Variants in SNTG1 observed in about 807,000 individuals in gnomAD.
SNTG1 encodes syntrophin gamma 1.
SNTG1 carries 39 observed loss-of-function variants against 74.7 expected under a neutral mutation model. The ratio of observed to expected loss-of-function variants is 0.52; its 90% CI spans 0.40 to 0.68. The LOEUF is 0.68. Ranked by LOEUF, SNTG1 falls within the 30% of genes least tolerant of loss-of-function variation. The pLI, the probability that SNTG1 is intolerant of heterozygous loss-of-function variation, is 0.00. For missense variants in SNTG1, 685 were observed against 609.5 expected, an observed-to-expected ratio of 1.12 and a Z score of -1.30; for synonymous variants, 254 against 217.1, an observed-to-expected ratio of 1.17 and a Z score of -1.49.
At chr8:50,688,080 T>C (rs2095360682) in intron 15 of SNTG1, among the ~76,000 whole-genome samples, 1 of 152,228 alleles carries the variant, frequency 6.6e-6, no homozygotes, top group Non-Finnish European at 1.5e-5. Context: ...GTCCATATCC[T>C]TCACCCACTT....
intron 17 of SNTG1, among the ~76,000 whole-genome samples, chr8:50,724,570 G>T (rs1585643348): frequency 6.6e-6 from 1 of 152,050 alleles, no homozygotes; most frequent in Admixed American, 6.6e-5. Context: ...GAAACTGAGA[G>T]ATATTTCATT....
intron 15 of SNTG1, among the ~76,000 whole-genome samples, chr8:50,664,470 T>G (rs10099354): frequency 0.8 from 122,381 of 152,184 alleles, 51,417 homozygotes; most frequent in Non-Finnish European, 0.92. Flanking sequence ...ATTAATTCAC[T>G]AAGACACTTA....
chr8:50,550,674 A>G (rs779513846), intron 11 of SNTG1, among the ~76,000 whole-genome samples: 2 of 148,250 alleles, frequency 1.3e-5, no homozygotes, highest in Non-Finnish European at 3.0e-5. Flanking sequence ...TCAGTGATGT[A>G]ATTTTTTTTA....
chr8:50,708,270 T>C (rs1479693532), intron 16 of SNTG1: 1 of 153,892 alleles, frequency 6.5e-6, no homozygotes, highest in Non-Finnish European at 1.4e-5. Flanking sequence ...AATTACTTGT[T>C]GATTTTTAAA....
At chr8:50,500,566 T>A (rs2093942772) in intron 8 of SNTG1, among the ~76,000 whole-genome samples, 1 of 152,272 alleles carries the variant, frequency 6.6e-6, no homozygotes, top group South Asian at 2.1e-4. Flanking sequence ...CCTTTAAAAT[T>A]GTGATTTTTC....
intron 2 of SNTG1, among the ~76,000 whole-genome samples, chr8:50,356,150 A>G (rs539528127): frequency 6.6e-6 from 1 of 151,628 alleles, no homozygotes; most frequent in Non-Finnish European, 1.5e-5. Context: ...TTTTCAATAC[A>G]TTTATGTCAG....
At chr8:50,059,675 G>T (rs1820314466) in intron 1 of SNTG1, among the ~76,000 whole-genome samples, 1 of 151,996 alleles carries the variant, frequency 6.6e-6, no homozygotes, top group African/African-American at 2.4e-5. Context: ...GTATCACCTA[G>T]ATTTTCAAAT....
At chr8:50,360,185 G>A (rs548695004) in intron 2 of SNTG1, among the ~76,000 whole-genome samples, 1 of 151,788 alleles carries the variant, frequency 6.6e-6, no homozygotes, top group Non-Finnish European at 1.5e-5. Context: ...ACTAAATAGT[G>A]CTTCCTAGGA....
chr8:50,500,716 C>G (rs967136697), intron 8 of SNTG1, among the ~76,000 whole-genome samples: 4 of 151,988 alleles, frequency 2.6e-5, no homozygotes, highest in Non-Finnish European at 5.9e-5. Context: ...GTCCATGGTT[C>G]CATTTACAAT....
chr8:50,261,375 T>C (rs935708165), intron 2 of SNTG1, among the ~76,000 whole-genome samples: 6 of 152,180 alleles, frequency 3.9e-5, no homozygotes, highest in Non-Finnish European at 2.9e-5. Flanking sequence ...ATATTGTTGT[T>C]AGTAGCCCTA....
chr8:49,952,512 A>G (rs1453661173), intron 1 of SNTG1, among the ~76,000 whole-genome samples: 3 of 152,214 alleles, frequency 2.0e-5, no homozygotes, highest in Non-Finnish European at 4.4e-5. Flanking sequence ...GCTGGAGCTC[A>G]GGAATGAAGA....
At chr8:50,234,906 G>A (rs1327475077) in intron 2 of SNTG1, among the ~76,000 whole-genome samples, 3 of 152,062 alleles carry the variant, frequency 2.0e-5, no homozygotes, top group Non-Finnish European at 4.4e-5. Flanking sequence ...GCTGTTGTTA[G>A]TAGATGTGGA....
intron 4 of SNTG1, among the ~76,000 whole-genome samples, chr8:50,435,931 G>A (rs1348238030): frequency 6.6e-6 from 1 of 152,154 alleles, no homozygotes; most frequent in Admixed American, 6.6e-5. Context: ...TAGAGCATGA[G>A]TAAAGAAGTT....
At chr8:50,402,780 GC>G (rs1385587789) in intron 4 of SNTG1, among the ~76,000 whole-genome samples, 2 of 152,138 alleles carry the variant, frequency 1.3e-5, no homozygotes, top group Non-Finnish European at 2.9e-5. Flanking sequence ...ACTGAACTCA[GC>G]GTGAGTGGTG....
intron 1 of SNTG1, among the ~76,000 whole-genome samples, chr8:50,033,460 C>T (rs924383683): frequency 6.6e-6 from 1 of 152,072 alleles, no homozygotes; most frequent in Admixed American, 6.6e-5. Flanking sequence ...TGATATATAC[C>T]TAATGTCTTT....
chr8:50,079,642 C>A (rs1175172273), intron 1 of SNTG1, among the ~76,000 whole-genome samples: 2 of 152,058 alleles, frequency 1.3e-5, no homozygotes, highest in Non-Finnish European at 2.9e-5. Context: ...TTTGCTCATG[C>A]CTATGTCCTA....
intron 1 of SNTG1, among the ~76,000 whole-genome samples, chr8:49,941,758 G>A (rs1808712884): frequency 1.3e-5 from 2 of 151,984 alleles, no homozygotes; most frequent in Non-Finnish European, 2.9e-5. Context: ...TTGAAGGGTA[G>A]GAAGCTTTCT....
intron 1 of SNTG1, among the ~76,000 whole-genome samples, chr8:49,913,019 G>T (rs549567756): frequency 6.6e-6 from 1 of 152,158 alleles, no homozygotes; most frequent in Non-Finnish European, 1.5e-5. Context: ...GTTTTCTGTT[G>T]ATTCTTATTT....
At chr8:50,111,115 T>C (rs2080568271) in intron 1 of SNTG1, among the ~76,000 whole-genome samples, 1 of 149,776 alleles carries the variant, frequency 6.7e-6, no homozygotes. Context: ...ACTCTACTCA[T>C]TGCAACATCA....
Sources: allele counts gnomAD v4.1 joint callset (sites outside exome capture counted in the v4.1 genomes callset), GRCh38; gene constraint gnomAD v4.1.1; transcripts MANE v1.5; gene names NCBI Gene and HGNC (gene_info 2026-07-23, HGNC 2026-07-21).